Variants in WDFY3 observed in about 807,000 individuals in gnomAD.
WDFY3 encodes WD repeat and FYVE domain-containing protein 3.
A neutral mutation model predicts 409.6 loss-of-function variants in WDFY3; 66 were observed. The observed-to-expected ratio is 0.16, with a 90% CI of 0.13 to 0.20. The LOEUF (loss-of-function observed/expected upper bound fraction) is 0.20. Ranked by LOEUF, WDFY3 falls within the 10% of genes least tolerant of loss-of-function variation. WDFY3 has a pLI of 1.00. For synonymous variants in WDFY3, 1,521 were observed against 1,537.1 expected (o/e 0.99, Z 0.25); for missense variants, 3,031 against 4,298.1 (o/e 0.71, Z 8.24).
chr4:84,873,796 G>T (rs35926203), intron 3 of WDFY3, among the ~76,000 whole-genome samples: 48,428 of 150,902 alleles, frequency 0.32, 7,943 homozygotes, highest in African/African-American at 0.37. Flanking sequence ...TTGTTTGTTT[G>T]TTTTGAGACA....
At chr4:84,886,462 G>C (rs1386224619) in intron 3 of WDFY3, 3 of 151,658 alleles carry the variant, frequency 2.0e-5, no homozygotes, top group African/African-American at 4.8e-5. Flanking sequence ...TGCTGCGAAT[G>C]TGAGCACAAT....
At chr4:84,890,689 T>G (rs1422037956) in intron 3 of WDFY3, among the ~76,000 whole-genome samples, 2 of 152,312 alleles carry the variant, frequency 1.3e-5, no homozygotes, top group East Asian at 3.9e-4. Context: ...ATAGCAAATA[T>G]TTTGCCATGC....
At chr4:84,712,735 G>A (rs1473642236) in intron 51 of WDFY3, among the ~76,000 whole-genome samples, 1 of 151,934 alleles carries the variant, frequency 6.6e-6, no homozygotes, top group African/African-American at 2.4e-5. Flanking sequence ...TTAAAAAAAA[G>A]CAAAAACCTG....
chr4:84,737,686 T>C (rs2149203836), intron 40 of WDFY3, among the ~76,000 whole-genome samples: 1 of 152,366 alleles, frequency 6.6e-6, no homozygotes, highest in South Asian at 2.1e-4. Context: ...TTAAAAGTAA[T>C]TTTTAAATCT....
At chr4:84,963,285 G>A (rs780173508) in intron 1 of WDFY3, among the ~76,000 whole-genome samples, 3 of 151,992 alleles carry the variant, frequency 2.0e-5, no homozygotes, top group African/African-American at 4.8e-5. Flanking sequence ...TTAGCCAGGC[G>A]TGGTGGCGAG....
At chr4:84,862,502 G>A (rs748981557) in intron 3 of WDFY3, among the ~76,000 whole-genome samples, 1 of 152,012 alleles carries the variant, frequency 6.6e-6, no homozygotes, top group Non-Finnish European at 1.5e-5. Flanking sequence ...ACTATGTGCT[G>A]GTATTTACAG....
chr4:84,870,425 C>T (rs948074990), intron 3 of WDFY3, among the ~76,000 whole-genome samples: 4 of 152,092 alleles, frequency 2.6e-5, no homozygotes, highest in Non-Finnish European at 5.9e-5. Flanking sequence ...GGTAGGAACA[C>T]CTCAATGGTA....
intron 65 of WDFY3, among the ~76,000 whole-genome samples, chr4:84,678,584 A>G (rs1001046247): frequency 4.6e-5 from 7 of 152,250 alleles, no homozygotes; most frequent in African/African-American, 1.7e-4. Context: ...TATTCTGGGC[A>G]AAGTTACCTG....
chr4:84,801,035 A>G (rs1750449204), intron 17 of WDFY3, among the ~76,000 whole-genome samples: 1 of 152,200 alleles, frequency 6.6e-6, no homozygotes, highest in Non-Finnish European at 1.5e-5. Context: ...CCATGGGCTA[A>G]GGGCTAACGA....
chr4:84,823,176 A>C (rs953554399), intron 10 of WDFY3, among the ~76,000 whole-genome samples: 1 of 152,126 alleles, frequency 6.6e-6, no homozygotes, highest in Non-Finnish European at 1.5e-5. Context: ...AAAATTCAGA[A>C]AGTGTCTCAG....
At chr4:84,853,366 G>A (rs1047030457) in intron 4 of WDFY3, among the ~76,000 whole-genome samples, 4 of 150,786 alleles carry the variant, frequency 2.7e-5, no homozygotes, top group African/African-American at 9.8e-5. Flanking sequence ...TAGAGATGGG[G>A]TTTCACCATG....
intron 32 of WDFY3, among the ~76,000 whole-genome samples, chr4:84,763,363 T>C (rs1307559698): frequency 6.6e-6 from 1 of 151,536 alleles, no homozygotes; most frequent in Non-Finnish European, 1.5e-5. Context: ...GGGAACATCA[T>C]GCACCGGGGT....
intron 1 of WDFY3, among the ~76,000 whole-genome samples, chr4:84,964,349 G>A (rs1775331506): frequency 1.3e-5 from 2 of 152,284 alleles, no homozygotes; most frequent in South Asian, 2.1e-4. Flanking sequence ...TGCACATGTA[G>A]TCCTAACTTC....
chr4:84,852,764 C>CTT (rs367758767), intron 4 of WDFY3, among the ~76,000 whole-genome samples: 59 of 146,418 alleles, frequency 4.0e-4, no homozygotes, highest in African/African-American at 1.4e-3. Flanking sequence ...TAAACCTCCC[C>CTT]TTTTTTTTTT....
chr4:84,910,872 A>C (rs1395796155), intron 2 of WDFY3, among the ~76,000 whole-genome samples: 11 of 149,734 alleles, frequency 7.3e-5, no homozygotes, highest in Admixed American at 6.6e-4. Context: ...TGTCTGGCTA[A>C]TTTTTTTCTG....
At chr4:84,758,563 T>C (rs1168308606) in intron 32 of WDFY3, among the ~76,000 whole-genome samples, 1 of 152,170 alleles carries the variant, frequency 6.6e-6, no homozygotes, top group African/African-American at 2.4e-5. Context: ...ATCCATATTT[T>C]TTTCAACTTC....
chr4:84,925,612 A>C (rs1769874910), intron 2 of WDFY3, among the ~76,000 whole-genome samples: 1 of 152,212 alleles, frequency 6.6e-6, no homozygotes, highest in Non-Finnish European at 1.5e-5. Flanking sequence ...TGTTTGAAAA[A>C]AGCTATAAAG....
intron 23 of WDFY3, among the ~76,000 whole-genome samples, chr4:84,787,026 G>C (rs965598997): frequency 6.6e-6 from 1 of 152,158 alleles, no homozygotes; most frequent in Non-Finnish European, 1.5e-5. Flanking sequence ...TTTCATTTGG[G>C]AGAAAGGATA....
chr4:84,874,033 G>A (rs529005703), intron 3 of WDFY3, among the ~76,000 whole-genome samples: 10 of 151,546 alleles, frequency 6.6e-5, no homozygotes, highest in African/African-American at 1.7e-4. Flanking sequence ...CACCCGCCTC[G>A]GACTCACAAA....
Sources: gnomAD v4.1 joint callset for allele counts (sites outside exome capture counted in the v4.1 genomes callset) on GRCh38, gnomAD v4.1.1 for gene constraint, MANE v1.5 for transcripts, NCBI Gene and HGNC (gene_info 2026-07-23, HGNC 2026-07-21) for gene names.